MED13L: variants seen among roughly 807,000 people sequenced by gnomAD.
MED13L encodes mediator of RNA polymerase II transcription subunit 13-like.
A neutral mutation model predicts 220.9 loss-of-function variants in MED13L; 7 were observed. That is an observed-to-expected ratio of 0.03 (90% CI 0.02 to 0.06). The LOEUF is 0.06. Ranked by LOEUF, MED13L falls within the 10% of genes least tolerant of loss-of-function variation. The pLI is 1.00. For missense variants in MED13L, 1,965 were observed against 2,760.5 expected (o/e 0.71, Z 6.46); for synonymous variants, 1,011 against 1,015.2 (o/e 1.00, Z 0.08).
At chr12:116,006,251 C>T in intron 12 of MED13L, 55 bp downstream of exon 12, 1 of 1,480,890 alleles carries the variant, frequency 6.8e-7, no homozygotes. Flanking sequence ...GAAGCATCTC[C>T]TTTGCATTTC....
chr12:116,250,694 T>C (rs1046236590), intron 1 of MED13L, among the ~76,000 whole-genome samples: 3 of 149,462 alleles, frequency 2.0e-5, no homozygotes, highest in African/African-American at 7.4e-5. Context: ...GAAGAATCGC[T>C]TGAACCCAGG....
intron 2 of MED13L, among the ~76,000 whole-genome samples, chr12:116,176,912 A>T (rs936925884): frequency 6.6e-6 from 1 of 150,740 alleles, no homozygotes; most frequent in African/African-American, 2.4e-5. Context: ...AATTTCTTGA[A>T]TTTGTTTATG....
intron 3 of MED13L, among the ~76,000 whole-genome samples, chr12:116,098,374 T>C (rs911803806): frequency 6.6e-6 from 1 of 152,246 alleles, no homozygotes; most frequent in Non-Finnish European, 1.5e-5. Flanking sequence ...AAATTCTACA[T>C]ATTTTGTAAG....
intron 3 of MED13L, among the ~76,000 whole-genome samples, chr12:116,111,129 T>C (rs1874040782): frequency 6.6e-6 from 1 of 152,084 alleles, no homozygotes; most frequent in African/African-American, 2.4e-5. Context: ...ACCAAATACT[T>C]AAGGGTAAAA....
At chr12:116,276,911 AG>A in intron 1 of MED13L, 148 bp downstream of exon 1, 2 of 997,754 alleles carry the variant, frequency 2.0e-6, no homozygotes, top group Non-Finnish European at 3.0e-6. Context: ...ACGATCCAAA[AG>A]GGGGAGAATC....
chr12:116,102,715 T>TC (rs1321479589), intron 3 of MED13L, among the ~76,000 whole-genome samples: 2 of 64,944 alleles, frequency 3.1e-5, no homozygotes, highest in East Asian at 4.2e-4. Context: ...TTTTTCTTTT[T>TC]TTTTTTTTTT....
chr12:116,160,761 T>C (rs1003810901), intron 2 of MED13L, among the ~76,000 whole-genome samples: 8 of 150,956 alleles, frequency 5.3e-5, no homozygotes, highest in Admixed American at 5.3e-4. Flanking sequence ...TTTTTTATTT[T>C]TTTTTTTTTT....
intron 1 of MED13L, among the ~76,000 whole-genome samples, chr12:116,249,504 A>G (rs1348497684): frequency 6.6e-6 from 1 of 152,158 alleles, no homozygotes; most frequent in African/African-American, 2.4e-5. Context: ...TCATGACTGT[A>G]AGAAAAGTCA....
chr12:116,138,429 T>A (rs1254821116), intron 2 of MED13L, among the ~76,000 whole-genome samples: 1 of 152,164 alleles, frequency 6.6e-6, no homozygotes, highest in African/African-American at 2.4e-5. Flanking sequence ...ACTGAAGACC[T>A]CTTGGGTGGT....
At chr12:116,202,629 A>C (rs1882072314) in intron 2 of MED13L, among the ~76,000 whole-genome samples, 1 of 152,198 alleles carries the variant, frequency 6.6e-6, no homozygotes, top group Admixed American at 6.5e-5. Flanking sequence ...GACACTGAGC[A>C]AGTTACTTCA....
chr12:116,085,537 G>C (rs905947066), intron 4 of MED13L, among the ~76,000 whole-genome samples: 1 of 152,068 alleles, frequency 6.6e-6, no homozygotes, highest in African/African-American at 2.4e-5. Flanking sequence ...ATATGAAATA[G>C]ATTTACAAAG....
chr12:116,114,086 G>C (rs2137913669), intron 2 of MED13L, among the ~76,000 whole-genome samples: 1 of 152,124 alleles, frequency 6.6e-6, no homozygotes, highest in African/African-American at 2.4e-5. Context: ...AGTCTTCTTT[G>C]ATCAAGTACA....
chr12:116,102,824 C>A, intron 3 of MED13L, among the ~76,000 whole-genome samples: 1 of 144,706 alleles, frequency 6.9e-6, no homozygotes, highest in Non-Finnish European at 1.5e-5. Context: ...CAGGTTCAAG[C>A]GATTCTCCTG....
In MED13L at chr12:116,193,649, C is replaced by T. The variant is rs959042049; in HGVS notation, c.310+43819G>A. Reference sequence around the variant, plus strand: ...AAACTCCTAATAATCACTAATACCTCGCTATTTTTGTTTAAAAAAAAAGGT... The same window carrying T: ...AAACTCCTAATAATCACTAATACCTTGCTATTTTTGTTTAAAAAAAAAGGT... On this transcript the variant is annotated intron_variant, in intron 2 of 30. Coordinates refer to ENST00000281928, the MANE Select transcript of MED13L (RefSeq NM_015335.5). Among the ~76,000 whole-genome samples the T allele has an allele frequency of 2.0e-5, 3 of 150,914 alleles. No homozygotes were observed. The South Asian group carries it at 6.3e-4, about 32-fold the overall frequency.
chr12:116,047,057 A>T (rs1432133991), intron 4 of MED13L, among the ~76,000 whole-genome samples: 1 of 152,224 alleles, frequency 6.6e-6, no homozygotes, highest in East Asian at 1.9e-4. Context: ...TCTCACAGGA[A>T]TATAAAAGAT....
intron 4 of MED13L, among the ~76,000 whole-genome samples, chr12:116,093,291 T>G (rs767443898): frequency 1.6e-4 from 25 of 152,158 alleles, no homozygotes; most frequent in Non-Finnish European, 3.5e-4. Flanking sequence ...TTTCTACTTA[T>G]TCTTTTCCCA....
chr12:115,965,175 A>G (rs145259455), intron 29 of MED13L, among the ~76,000 whole-genome samples: 16 of 152,336 alleles, frequency 1.1e-4, no homozygotes, highest in African/African-American at 3.1e-4. Context: ...GTGAATGTGC[A>G]TATCTTATAG....
At chr12:116,248,100 T>C (rs1280875575) in intron 1 of MED13L, among the ~76,000 whole-genome samples, 3 of 152,206 alleles carry the variant, frequency 2.0e-5, no homozygotes, top group East Asian at 3.9e-4. Context: ...AGAGGCTATC[T>C]AGCCGCACAT....
chr12:116,178,288 G>T (rs970792200), intron 2 of MED13L, among the ~76,000 whole-genome samples: 3 of 152,168 alleles, frequency 2.0e-5, no homozygotes, highest in Non-Finnish European at 4.4e-5. Context: ...ACTGGTAAAA[G>T]TATTTTTTAT....
Sources: gnomAD v4.1 joint callset for allele counts (sites outside exome capture counted in the v4.1 genomes callset) on GRCh38, gnomAD v4.1.1 for gene constraint, MANE v1.5 for transcripts, NCBI Gene and HGNC (gene_info 2026-07-23, HGNC 2026-07-21) for gene names.